ERC2: variants seen among roughly 807,000 people sequenced by gnomAD.
ERC2 encodes the protein ERC protein 2.
In ERC2, 42 loss-of-function variants were observed where a neutral mutation model predicts 114.8. The ratio of observed to expected loss-of-function variants is 0.37; its 90% CI spans 0.29 to 0.47. ERC2 has a LOEUF of 0.47. Among genes scored for constraint, ERC2 ranks in the 20% least tolerant of loss-of-function variants. The pLI, the probability that ERC2 is intolerant of heterozygous loss-of-function variation, is 0.99. For missense variants in ERC2, 939 were observed against 1,150.7 expected (o/e 0.82, Z 2.66); for synonymous variants, 454 against 425.5 (o/e 1.07, Z -0.82).
At chr3:55,528,853 T>A (rs1486848980) in intron 17 of ERC2, among the ~76,000 whole-genome samples, 1 of 152,006 alleles carries the variant, frequency 6.6e-6, no homozygotes, top group Admixed American at 6.5e-5. Context: ...TAACGAAAAA[T>A]GTCTCCAGAC....
chr3:56,274,635 G>A (rs1321177687), intron 3 of ERC2, among the ~76,000 whole-genome samples: 1 of 152,186 alleles, frequency 6.6e-6, no homozygotes, highest in Non-Finnish European at 1.5e-5. Flanking sequence ...TATTGTTTGT[G>A]TGGGTGTGTG....
intron 6 of ERC2, 65 bp from the exon 7 acceptor site, chr3:56,081,049 T>C (rs547481649): frequency 6.4e-7 from 1 of 1,561,734 alleles, no homozygotes; most frequent in Admixed American, 1.9e-5. Flanking sequence ...CCATCAATTG[T>C]GCCCTTTGAG....
At chr3:55,832,507 T>C (rs1323011123) in intron 14 of ERC2, among the ~76,000 whole-genome samples, 4 of 152,182 alleles carry the variant, frequency 2.6e-5, no homozygotes, top group African/African-American at 9.7e-5. Context: ...GGGTCTGGAG[T>C]GGACCTCTAG....
chr3:55,697,076 A>C (rs1243040618), intron 16 of ERC2, among the ~76,000 whole-genome samples: 1 of 152,188 alleles, frequency 6.6e-6, no homozygotes, highest in East Asian at 1.9e-4. Context: ...ACCAGAAAAG[A>C]ATTGAACAAG....
intron 2 of ERC2, among the ~76,000 whole-genome samples, chr3:56,394,689 G>A (rs1037575380): frequency 2.2e-4 from 33 of 152,012 alleles, no homozygotes; most frequent in Non-Finnish European, 4.3e-4. Context: ...CCCCTAGTAC[G>A]GCTATAATCA....
At chr3:55,801,191 A>G (rs2071018397) in intron 14 of ERC2, among the ~76,000 whole-genome samples, 1 of 152,200 alleles carries the variant, frequency 6.6e-6, no homozygotes, top group African/African-American at 2.4e-5. Flanking sequence ...ATTACTTAAT[A>G]CAATGTCTAT....
intron 3 of ERC2, among the ~76,000 whole-genome samples, chr3:56,222,534 C>G (rs540259997): frequency 3.3e-5 from 5 of 152,102 alleles, no homozygotes; most frequent in Non-Finnish European, 7.3e-5. Flanking sequence ...TTAAAATAAG[C>G]TTGGGTGCTC....
At chr3:56,122,881 C>T (rs1449205458) in intron 6 of ERC2, among the ~76,000 whole-genome samples, 7 of 152,152 alleles carry the variant, frequency 4.6e-5, no homozygotes, top group Non-Finnish European at 8.8e-5. Context: ...GCTGTCTCGT[C>T]GCTTCTGCTA....
chr3:55,951,702 C>T (rs1280842071), intron 12 of ERC2, among the ~76,000 whole-genome samples: 2 of 151,968 alleles, frequency 1.3e-5, no homozygotes, highest in Admixed American at 1.3e-4. Context: ...CTTTCGGATC[C>T]CTTTCCCCCA....
At chr3:56,081,778 G>A (rs1374288475) in intron 6 of ERC2, among the ~76,000 whole-genome samples, 3 of 151,820 alleles carry the variant, frequency 2.0e-5, no homozygotes, top group Non-Finnish European at 4.4e-5. Flanking sequence ...CACTGGGGTG[G>A]TAAAAAAGAA....
rs370353755 is a variant in ERC2 at position 56,310,761 on chromosome 3, T to C, written c.658-14326A>G. ...CCAAAAGCATCAGCATCACCTGGGA[T>C]CTTGTCAGAAAGGTGGGATCTCAGG... On this transcript the variant is annotated intron_variant, in intron 2 of 17. Coordinates refer to ENST00000288221, the MANE Select transcript of ERC2 (RefSeq NM_015576.3). 1.0e-3 allele frequency among the ~76,000 whole-genome samples: 158 copies of C among 152,234 alleles called. 4 individuals carry two copies. The South Asian group carries it at 0.028, about 27-fold the overall frequency.
intron 1 of ERC2, among the ~76,000 whole-genome samples, chr3:56,463,733 G>A (rs1366644216): frequency 6.6e-6 from 1 of 152,122 alleles, no homozygotes; most frequent in Non-Finnish European, 1.5e-5. Flanking sequence ...TTATATCCAT[G>A]TGTGCCCCTA....
intron 1 of ERC2, among the ~76,000 whole-genome samples, chr3:56,448,722 G>A (rs60672758): frequency 0.067 from 10,163 of 152,234 alleles, 643 homozygotes; most frequent in African/African-American, 0.16. Flanking sequence ...AAAAGCAGCC[G>A]TAGACAATTT....
rs371579533 is a variant in ERC2, at chr3:56,311,535, G to A, written c.658-15100C>T. Among the ~76,000 whole-genome samples the A allele has an allele frequency of 7.3e-5, 11 of 151,552 alleles. No individual in the cohort carries two copies. The East Asian group carries it at 1.4e-3, about 19-fold the overall frequency. ...ACGGTGGTCTCAATCTCCTGACCTC[G>A]TGATCCGCCCGCCTCGGCCTTCTAA... On this transcript the variant is annotated intron_variant, in intron 2 of 17. Coordinates refer to ENST00000288221, the MANE Select transcript of ERC2 (RefSeq NM_015576.3).
At chr3:56,058,784 G>C (rs747602859) in intron 7 of ERC2, among the ~76,000 whole-genome samples, 37 of 152,186 alleles carry the variant, frequency 2.4e-4, no homozygotes, top group Non-Finnish European at 4.3e-4. Context: ...CAGCCTGCCA[G>C]CCTCTCCCAT....
intron 12 of ERC2, among the ~76,000 whole-genome samples, chr3:55,967,991 T>C (rs935701733): frequency 8.5e-5 from 13 of 152,206 alleles, no homozygotes; most frequent in African/African-American, 2.9e-4. Context: ...CTGTTCAGTA[T>C]AAATTACCCA....
At chr3:55,964,281 C>T (rs960295662) in intron 12 of ERC2, among the ~76,000 whole-genome samples, 1 of 152,150 alleles carries the variant, frequency 6.6e-6, no homozygotes, top group African/African-American at 2.4e-5. Flanking sequence ...ACATCATATA[C>T]TTAAAAAGTT....
intron 17 of ERC2, chr3:55,657,986 T>C (rs776046994): frequency 2.0e-5 from 3 of 152,200 alleles, no homozygotes; most frequent in Non-Finnish European, 2.9e-5. Flanking sequence ...GCTCCCACCG[T>C]GGATCTTAAC....
intron 7 of ERC2, among the ~76,000 whole-genome samples, chr3:56,025,176 C>G (rs1335870912): frequency 1.3e-5 from 2 of 152,148 alleles, no homozygotes; most frequent in Non-Finnish European, 2.9e-5. Context: ...TGCAGAATGC[C>G]AAGGATGCTC....
Sources: allele counts gnomAD v4.1 joint callset (sites outside exome capture counted in the v4.1 genomes callset), GRCh38; gene constraint gnomAD v4.1.1; transcripts MANE v1.5; gene names NCBI Gene and HGNC (gene_info 2026-07-23, HGNC 2026-07-21).